UBE2D2: variants seen among roughly 807,000 people sequenced by gnomAD.
The protein encoded by UBE2D2 is ubiquitin conjugating enzyme E2 D2, also known as ubiquitin-conjugating enzyme E2 D2.
A neutral mutation model predicts 24.2 loss-of-function variants in UBE2D2; 2 were observed. The observed-to-expected ratio is 0.08, with a 90% CI of 0.03 to 0.26. The LOEUF (loss-of-function observed/expected upper bound fraction) is 0.26. Ranked by LOEUF, UBE2D2 falls within the 10% of genes least tolerant of loss-of-function variation. The probability of loss-of-function intolerance (pLI) is 1.00; values close to 1 mark genes in which losing one functional copy is unlikely to be tolerated. For synonymous variants in UBE2D2, 58 were observed against 56.5 expected (o/e 1.03, Z -0.12); for missense variants, 44 against 177.6 (o/e 0.25, Z 4.28).
At chr5:139,551,161 A>G (rs1368954180) in intron 1 of UBE2D2, among the ~76,000 whole-genome samples, 1 of 152,066 alleles carries the variant, frequency 6.6e-6, no homozygotes, top group African/African-American at 2.4e-5. Context: ...CCTGGCCAAT[A>G]TAGTGAAACC....
At chr5:139,595,928 C>CT (rs1448459123) in intron 1 of UBE2D2, among the ~76,000 whole-genome samples, 7 of 119,976 alleles carry the variant, frequency 5.8e-5, no homozygotes, top group African/African-American at 2.3e-4. Flanking sequence ...GAGTCTCACT[C>CT]TATCACCCAG....
chr5:139,544,240 C>G (rs1752796065), intron 1 of UBE2D2, among the ~76,000 whole-genome samples: 1 of 150,798 alleles, frequency 6.6e-6, no homozygotes, highest in African/African-American at 2.4e-5. Flanking sequence ...ATGCAGTCCT[C>G]CCACCTCAGC....
At chr5:139,622,834 G>C (rs1201331350) in intron 5 of UBE2D2, among the ~76,000 whole-genome samples, 1 of 151,956 alleles carries the variant, frequency 6.6e-6, no homozygotes, top group African/African-American at 2.4e-5. Context: ...AGCTTGCAGT[G>C]AGCCTAGACC....
chr5:139,584,735 G>C (rs1215364538), intron 1 of UBE2D2, among the ~76,000 whole-genome samples: 3 of 151,534 alleles, frequency 2.0e-5, no homozygotes, highest in Non-Finnish European at 4.4e-5. Flanking sequence ...GTTTCACCAT[G>C]TTGGTCAGGC....
At chr5:139,562,355 C>T in intron 1 of UBE2D2, 13 of 1,338,544 alleles carry the variant, frequency 9.7e-6, no homozygotes, top group Non-Finnish European at 1.3e-5. Context: ...CATCGGTCCA[C>T]CCTGCTTGTC....
chr5:139,559,363 T>C (rs1464366285), upstream of UBE2D2, among the ~76,000 whole-genome samples: 1 of 151,646 alleles, frequency 6.6e-6, no homozygotes, highest in East Asian at 1.9e-4. Flanking sequence ...GGAGAAGAGC[T>C]TGCAGTGAGC....
chr5:139,552,191 C>G (rs1752928489), intron 1 of UBE2D2, among the ~76,000 whole-genome samples: 1 of 145,048 alleles, frequency 6.9e-6, no homozygotes, highest in Admixed American at 7.0e-5. Flanking sequence ...GAGACGGAGT[C>G]TCACTCTGTT....
chr5:139,550,606 T>A (rs906403075), intron 1 of UBE2D2, among the ~76,000 whole-genome samples: 9 of 151,988 alleles, frequency 5.9e-5, no homozygotes, highest in Admixed American at 5.2e-4. Flanking sequence ...TTGAGATAAC[T>A]TGCTGCTGCT....
chr5:139,538,535 G>C (rs747581130), intron 1 of UBE2D2, among the ~76,000 whole-genome samples: 3 of 152,012 alleles, frequency 2.0e-5, no homozygotes, highest in African/African-American at 7.2e-5. Flanking sequence ...AATACTGAGG[G>C]ATTCTACCAA....
intron 1 of UBE2D2, among the ~76,000 whole-genome samples, chr5:139,587,421 C>G (rs368353191): frequency 1.3e-5 from 2 of 152,254 alleles, no homozygotes; most frequent in African/African-American, 4.8e-5. Flanking sequence ...TGGCTCACGC[C>G]TGTATTCCCA....
At chr5:139,552,229 C>T (rs540054866) in intron 1 of UBE2D2, among the ~76,000 whole-genome samples, 1 of 146,222 alleles carries the variant, frequency 6.8e-6, no homozygotes, top group Non-Finnish European at 1.5e-5. Flanking sequence ...GTGGCGTTAT[C>T]TGGGCTCACT....
intron 2 of UBE2D2, among the ~76,000 whole-genome samples, chr5:139,606,940 G>A (rs2126693263): frequency 6.6e-6 from 1 of 152,240 alleles, no homozygotes; most frequent in Admixed American, 6.5e-5. Context: ...AAGTAGCTGG[G>A]ATTACGGGTG....
At chr5:139,552,663 C>T (rs1467427023) in intron 1 of UBE2D2, among the ~76,000 whole-genome samples, 7 of 147,446 alleles carry the variant, frequency 4.7e-5, no homozygotes, top group African/African-American at 9.9e-5. Context: ...CATGTGCCAC[C>T]ACGCTTGGCT....
intron 1 of UBE2D2, among the ~76,000 whole-genome samples, chr5:139,578,434 T>TTGTGTGTGTGTGTG (rs34697798): frequency 3.4e-5 from 5 of 145,074 alleles, no homozygotes; most frequent in Non-Finnish European, 7.5e-5. Flanking sequence ...GTTTTGTGTT[T>TTGTGTGTGTGTGTG]TGTGTGTGTG....
intron 1 of UBE2D2, among the ~76,000 whole-genome samples, chr5:139,565,811 C>A (rs2126650013): frequency 6.6e-6 from 1 of 152,190 alleles, no homozygotes; most frequent in South Asian, 2.1e-4. Flanking sequence ...TTTCTCTATT[C>A]TTGGGAAGGG....
chr5:139,571,625 G>T (rs985360282), intron 1 of UBE2D2, among the ~76,000 whole-genome samples: 2 of 152,084 alleles, frequency 1.3e-5, no homozygotes, highest in Admixed American at 1.3e-4. Context: ...TAGAGCTATT[G>T]TGTCTCCAGA....
rs180676764 is a variant in UBE2D2, at chr5:139,537,763, G to T, written c.-64+11151G>T. On this transcript the variant is annotated intron_variant, in intron 1 of 6. Transcript: ENST00000511725. ...GCGGATCACGAGGTCAGGAGATTGA[G>T]ACCATCCTGGCTAACACGGTGAGAC... Among the ~76,000 whole-genome samples the T allele has an allele frequency of 1.8e-3, 278 of 151,952 alleles. 1 individual carries two copies. The highest frequency in any genetic ancestry group is 6.5e-3 in the African/African-American group (268 of 41,544).
At chr5:139,600,215 T>C (rs1203737231) in intron 1 of UBE2D2, 157 bp from the exon 2 acceptor site, 3 of 838,366 alleles carry the variant, frequency 3.6e-6, no homozygotes. Flanking sequence ...CAAAATACCT[T>C]AAAGATTCAC....
At chr5:139,604,821 A>G (rs1355684724) in intron 2 of UBE2D2, among the ~76,000 whole-genome samples, 21 of 151,830 alleles carry the variant, frequency 1.4e-4, no homozygotes, top group South Asian at 8.3e-4. Context: ...TTGAGGCTGC[A>G]GTGAGCTATG....
Sources: gnomAD v4.1 joint callset for allele counts (sites outside exome capture counted in the v4.1 genomes callset) on GRCh38, gnomAD v4.1.1 for gene constraint, MANE v1.5 for transcripts, NCBI Gene and HGNC (gene_info 2026-07-23, HGNC 2026-07-21) for gene names.